The following ASTN2 variants were observed in gnomAD, a reference collection of about 807,000 sequenced individuals.
ASTN2 encodes astrotactin-2.
In ASTN2, 54 loss-of-function variants were observed where a neutral mutation model predicts 139.8. That is an observed-to-expected ratio of 0.39 (90% CI 0.31 to 0.48). ASTN2 has a LOEUF of 0.48. Among genes scored for constraint, ASTN2 ranks in the 20% least tolerant of loss-of-function variants. ASTN2 has a pLI of 0.95. For missense variants in ASTN2, 1,565 were observed against 1,725.1 expected, an observed-to-expected ratio of 0.91 and a Z score of 1.64; for synonymous variants, 756 against 719.5, an observed-to-expected ratio of 1.05 and a Z score of -0.81.
At chr9:117,152,573 A>G (rs1204661708) in intron 3 of ASTN2, among the ~76,000 whole-genome samples, 1 of 152,128 alleles carries the variant, frequency 6.6e-6, no homozygotes. Context: ...TTGACCTCCA[A>G]AAGATCACCA....
chr9:117,038,766 G>A (rs117426855), intron 6 of ASTN2, among the ~76,000 whole-genome samples: 1 of 152,220 alleles, frequency 6.6e-6, no homozygotes, highest in East Asian at 1.9e-4. Flanking sequence ...AGAAACAGAC[G>A]CCAACATATC....
chr9:117,291,384 A>C lies in ASTN2; in HGVS notation c.572T>G (p.Leu191Arg). ...CTCAACAATCTCCGAGGGCTCCTGG[A>C]GAGTGGGGGCGGTGGCTTGGGCCAG... ...GQLAQATAPT[L>R]QEPSEIVEEQ... Residue 191 changes from leucine (L) to arginine (R), a missense_variant, in exon 2 of 23, where the codon CTC (leucine) becomes CGC (arginine). Leu to Arg is a moderately radical substitution (Grantham distance 102). Around this residue, in one of 4 missense-constraint regions of ASTN2, gnomAD observed 596 missense variants for 576.8 expected, o/e 1.03. Transcript: ENST00000313400. 6.2e-7 allele frequency: 1 copy of C among 1,614,172 alleles called. No individual in the cohort carries two copies.
At chr9:116,767,488 A>G (rs1380160323) in intron 13 of ASTN2, among the ~76,000 whole-genome samples, 1 of 152,216 alleles carries the variant, frequency 6.6e-6, no homozygotes, top group Non-Finnish European at 1.5e-5. Context: ...AACATTTCAA[A>G]GCAGAGGAGA....
intron 17 of ASTN2, among the ~76,000 whole-genome samples, chr9:116,651,099 T>C (rs12003078): frequency 0.045 from 6,911 of 151,940 alleles, 548 homozygotes; most frequent in African/African-American, 0.16. Flanking sequence ...GTGTTTTTAG[T>C]AGAGATGGGG....
chr9:116,744,547 C>T (rs1269297990), intron 13 of ASTN2, among the ~76,000 whole-genome samples: 1 of 152,122 alleles, frequency 6.6e-6, no homozygotes, highest in Non-Finnish European at 1.5e-5. Flanking sequence ...CAACAGAATA[C>T]AGAGAAGAGG....
At chr9:117,123,833 C>T (rs1196935939) in intron 4 of ASTN2, among the ~76,000 whole-genome samples, 3 of 152,082 alleles carry the variant, frequency 2.0e-5, no homozygotes, top group African/African-American at 7.2e-5. Context: ...TGGACTTCAC[C>T]AGGAATTGGT....
At chr9:116,832,754 T>C (rs1588332198) in intron 11 of ASTN2, among the ~76,000 whole-genome samples, 1 of 152,186 alleles carries the variant, frequency 6.6e-6, no homozygotes, top group Non-Finnish European at 1.5e-5. Context: ...GAATCCTATT[T>C]GTTAATATTT....
intron 2 of ASTN2, among the ~76,000 whole-genome samples, chr9:117,221,016 C>T (rs1000503553): frequency 6.6e-6 from 1 of 152,192 alleles, no homozygotes; most frequent in Non-Finnish European, 1.5e-5. Flanking sequence ...TACCATTTAT[C>T]CAGCCTTAGT....
intron 22 of ASTN2, among the ~76,000 whole-genome samples, chr9:116,430,657 G>C (rs1847467809): frequency 6.6e-6 from 1 of 152,228 alleles, no homozygotes; most frequent in African/African-American, 2.4e-5. Context: ...TATTTATTTT[G>C]TAGGGCTGTT....
At chr9:116,990,519 C>T (rs1009304985) in intron 7 of ASTN2, among the ~76,000 whole-genome samples, 1 of 152,164 alleles carries the variant, frequency 6.6e-6, no homozygotes, top group Admixed American at 6.5e-5. Context: ...GATCTGCCTC[C>T]TCCAGCCTCC....
chr9:116,746,526 A>G (rs1164013882), intron 13 of ASTN2, among the ~76,000 whole-genome samples: 1 of 152,190 alleles, frequency 6.6e-6, no homozygotes, highest in African/African-American at 2.4e-5. Flanking sequence ...GCTGATTGGC[A>G]ACCCTATTCC....
chr9:117,056,184 A>G (rs1431086632), intron 5 of ASTN2, among the ~76,000 whole-genome samples: 3 of 152,332 alleles, frequency 2.0e-5, no homozygotes, highest in Non-Finnish European at 4.4e-5. Flanking sequence ...GACTGATGAT[A>G]TTGTGCCTGA....
At chr9:117,025,967 GT>G (rs934356846) in intron 6 of ASTN2, among the ~76,000 whole-genome samples, 16 of 151,872 alleles carry the variant, frequency 1.1e-4, no homozygotes, top group Admixed American at 5.9e-4. Flanking sequence ...GTTTCACTGT[GT>G]TGGTCAGGCT....
intron 13 of ASTN2, among the ~76,000 whole-genome samples, chr9:116,780,448 C>T (rs769610875): frequency 2.6e-5 from 4 of 152,172 alleles, no homozygotes; most frequent in Admixed American, 6.5e-5. Context: ...ATATAATCAG[C>T]GACCTTGGTT....
chr9:116,830,191 TAAAAG>T (rs1457113176), intron 11 of ASTN2, among the ~76,000 whole-genome samples: 1 of 152,134 alleles, frequency 6.6e-6, no homozygotes, highest in African/African-American at 2.4e-5. Context: ...AGACACTTCT[TAAAAG>T]AAGACATAAG....
intron 2 of ASTN2, among the ~76,000 whole-genome samples, chr9:117,233,343 T>G (rs935121031): frequency 6.6e-6 from 1 of 152,170 alleles, no homozygotes; most frequent in Non-Finnish European, 1.5e-5. Context: ...TAATGAGATT[T>G]TGGGCAAGTC....
At chr9:116,654,863 T>C (rs565631163) in intron 16 of ASTN2, among the ~76,000 whole-genome samples, 26 of 152,358 alleles carry the variant, frequency 1.7e-4, no homozygotes, top group African/African-American at 6.3e-4. Context: ...CAAACATTCA[T>C]AGTCATTGGG....
intron 16 of ASTN2, among the ~76,000 whole-genome samples, chr9:116,711,372 A>G (rs1191770419): frequency 6.6e-6 from 1 of 152,260 alleles, no homozygotes; most frequent in Non-Finnish European, 1.5e-5. Context: ...AATGTCAGAA[A>G]TAATACAAGG....
chr9:116,847,572 A>G (rs750760041), intron 11 of ASTN2, among the ~76,000 whole-genome samples: 4 of 152,220 alleles, frequency 2.6e-5, no homozygotes, highest in Admixed American at 6.5e-5. Flanking sequence ...AATAGCTAAC[A>G]CTTAATGGCA....
Sources: gnomAD v4.1 joint callset for allele counts (sites outside exome capture counted in the v4.1 genomes callset) on GRCh38, gnomAD v4.1.1 for gene constraint, gnomAD v4.1.1 regional missense constraint, MANE v1.5 for transcripts, NCBI Gene and HGNC (gene_info 2026-07-23, HGNC 2026-07-21) for gene names.